The following HEMK2 variants were observed in gnomAD, a reference collection of about 807,000 sequenced individuals.
HEMK2 encodes the protein methyltransferase HEMK2.
chr21:28,880,998 A>G, the HEMK2 span, among the ~76,000 whole-genome samples: 4 of 150,814 alleles, frequency 2.7e-5, no homozygotes, highest in Non-Finnish European at 4.4e-5. Flanking sequence ...GTGCAAGTTA[A>G]GGAGCACAGA....
the HEMK2 span, among the ~76,000 whole-genome samples, chr21:28,678,437 C>T: frequency 3.9e-5 from 6 of 152,228 alleles, no homozygotes; most frequent in South Asian, 2.1e-4. Context: ...CTGAAACTGA[C>T]GGGGAGAATG....
chr21:28,867,324 G>A, the HEMK2 span, among the ~76,000 whole-genome samples: 1 of 152,142 alleles, frequency 6.6e-6, no homozygotes. Context: ...TGGAGAAGTT[G>A]CACAAAAATA....
At chr21:28,884,074 C>A in the HEMK2 span, among the ~76,000 whole-genome samples, 1 of 152,218 alleles carries the variant, frequency 6.6e-6, no homozygotes, top group South Asian at 2.1e-4. Context: ...GTAGTAAGGT[C>A]TGAGAATCTC....
the HEMK2 span, among the ~76,000 whole-genome samples, chr21:28,665,359 C>CTTTTTTTT: frequency 3.4e-5 from 1 of 29,000 alleles, no homozygotes. Context: ...TTTTTTTTTA[C>CTTTTTTTT]TTTTTAATTT....
At chr21:28,601,095 A>G in the HEMK2 span, among the ~76,000 whole-genome samples, 1 of 152,176 alleles carries the variant, frequency 6.6e-6, no homozygotes, top group Non-Finnish European at 1.5e-5. Flanking sequence ...AGCTGCAACC[A>G]TTGCTCACTA....
At chr21:28,653,007 A>G in the HEMK2 span, among the ~76,000 whole-genome samples, 1 of 152,028 alleles carries the variant, frequency 6.6e-6, no homozygotes, top group Non-Finnish European at 1.5e-5. Context: ...CCCACCCCTC[A>G]ATTTGCATTA....
the HEMK2 span, among the ~76,000 whole-genome samples, chr21:28,620,673 T>C: frequency 9.2e-6 from 1 of 108,644 alleles, no homozygotes; most frequent in South Asian, 3.4e-4. Context: ...TTTTTTTTTT[T>C]TTTTTTTTTT....
chr21:28,742,575 C>A, the HEMK2 span, among the ~76,000 whole-genome samples: 1 of 151,806 alleles, frequency 6.6e-6, no homozygotes, highest in African/African-American at 2.4e-5. Context: ...GTAGTACAGG[C>A]CATGAGAGTA....
chr21:28,814,860 C>T, the HEMK2 span, among the ~76,000 whole-genome samples: 177 of 152,208 alleles, frequency 1.2e-3, no homozygotes, highest in Non-Finnish European at 1.9e-3. Flanking sequence ...TTCCATTTGA[C>T]CCAGCAATCC....
At chr21:28,667,305 C>T in the HEMK2 span, among the ~76,000 whole-genome samples, 4 of 152,044 alleles carry the variant, frequency 2.6e-5, no homozygotes, top group African/African-American at 9.7e-5. Context: ...TATAATCCAC[C>T]ATCAGGTTTC....
the HEMK2 span, among the ~76,000 whole-genome samples, chr21:28,859,580 A>G: frequency 6.6e-6 from 1 of 152,052 alleles, no homozygotes; most frequent in Non-Finnish European, 1.5e-5. Flanking sequence ...ATTCTCTTCT[A>G]CTGGGTTTGT....
chr21:28,779,324 T>C, the HEMK2 span, among the ~76,000 whole-genome samples: 1 of 152,106 alleles, frequency 6.6e-6, no homozygotes, highest in African/African-American at 2.4e-5. Flanking sequence ...AGAACACAGA[T>C]GAATGTGGAG....
At chr21:28,716,359 T>A in the HEMK2 span, among the ~76,000 whole-genome samples, 97 of 152,256 alleles carry the variant, frequency 6.4e-4, no homozygotes, top group African/African-American at 2.2e-3. Flanking sequence ...CTTGACTAGA[T>A]GTATTCCTAG....
At chr21:28,811,343 AAGGAAGGAAGGAAGGGAGGG>A in the HEMK2 span, among the ~76,000 whole-genome samples, 2 of 148,324 alleles carry the variant, frequency 1.3e-5, no homozygotes, top group Admixed American at 6.7e-5. Flanking sequence ...AGGAGAAAGA[AAGGAAGGAAGGAAGGGAGGG>A]AGGAAGGAAG....
At chr21:28,605,067 A>C in the HEMK2 span, among the ~76,000 whole-genome samples, 4 of 152,318 alleles carry the variant, frequency 2.6e-5, no homozygotes, top group South Asian at 8.3e-4. Flanking sequence ...ATGTGGATGC[A>C]CTTATGTCAA....
chr21:28,800,268 C>T, the HEMK2 span, among the ~76,000 whole-genome samples: 3 of 152,096 alleles, frequency 2.0e-5, no homozygotes, highest in Non-Finnish European at 4.4e-5. Context: ...GTGAAATTCT[C>T]GCACTACACA....
At chr21:28,615,205 A>G in the HEMK2 span, among the ~76,000 whole-genome samples, 18 of 152,310 alleles carry the variant, frequency 1.2e-4, no homozygotes, top group African/African-American at 4.3e-4. Flanking sequence ...CATGACCCTG[A>G]ATGAAGCAGG....
the HEMK2 span, among the ~76,000 whole-genome samples, chr21:28,763,380 A>C: frequency 6.6e-6 from 1 of 152,094 alleles, no homozygotes; most frequent in South Asian, 2.1e-4. Flanking sequence ...ATGGTGAGAG[A>C]GGAAGCAAGA....
chr21:28,702,930 C>T, the HEMK2 span, among the ~76,000 whole-genome samples: 1 of 152,118 alleles, frequency 6.6e-6, no homozygotes, highest in African/African-American at 2.4e-5. Context: ...CAATGGTAGA[C>T]TGGGTAAACA....
Sources: allele counts gnomAD v4.1 joint callset (sites outside exome capture counted in the v4.1 genomes callset), GRCh38; gene constraint gnomAD v4.1.1; transcripts MANE v1.5; gene names NCBI Gene and HGNC (gene_info 2026-07-23, HGNC 2026-07-21).